Variants in LDB2 observed in about 807,000 individuals in gnomAD.
LDB2 encodes LIM domain binding 2.
In LDB2, 12 loss-of-function variants were observed where a neutral mutation model predicts 44.3. The ratio of observed to expected loss-of-function variants is 0.27; its 90% CI spans 0.17 to 0.44. LDB2 has a LOEUF of 0.44. Ranked by LOEUF, LDB2 falls within the 20% of genes least tolerant of loss-of-function variation. LDB2 has a pLI of 1.00. For synonymous variants in LDB2, 164 were observed against 174.8 expected (o/e 0.94, Z 0.49); for missense variants, 344 against 473.5 (o/e 0.73, Z 2.54).
rs71181181 is a variant in LDB2, at chr4:16,693,347, CTT to C, written c.235+65809_235+65810del. ...CTACTTGTTCCCTAGAGCAATAGTTCTTTTTTTTTTTTTTTTTTTTTTGAGAT... is the reference window on the plus strand; with the variant it reads ...CTACTTGTTCCCTAGAGCAATAGTTCTTTTTTTTTTTTTTTTTTTTGAGAT... On this transcript the variant is annotated intron_variant, in intron 2 of 7. Transcript: ENST00000304523. Among the ~76,000 whole-genome samples, 177 of 112,110 alleles carry C rather than the reference CTT, an allele frequency of 1.6e-3. 1 individual carries two copies. In the Middle Eastern group the frequency reaches 0.021, roughly 13 times the overall value. 73.5% of individuals were successfully genotyped at this position (112,110 alleles called of 152,430 possible). A position where few individuals can be genotyped will look rare whatever the true frequency, so the allele number is the denominator to read the frequency against.
At chr4:16,649,583 C>T (rs182000104) in intron 2 of LDB2, among the ~76,000 whole-genome samples, 4 of 152,210 alleles carry the variant, frequency 2.6e-5, no homozygotes, top group East Asian at 3.9e-4. Flanking sequence ...TGGGAGCTAC[C>T]GCAGATCCAG....
chr4:16,592,089 G>A (rs979217177), intron 3 of LDB2, among the ~76,000 whole-genome samples: 1 of 152,102 alleles, frequency 6.6e-6, no homozygotes, highest in Non-Finnish European at 1.5e-5. Context: ...AGTACAGATG[G>A]TCTCCGGAGG....
intron 2 of LDB2, among the ~76,000 whole-genome samples, chr4:16,608,358 C>G (rs1258473230): frequency 6.6e-6 from 1 of 152,122 alleles, no homozygotes; most frequent in African/African-American, 2.4e-5. Flanking sequence ...GTGCTTCTGA[C>G]CCTTGGATTG....
chr4:16,840,625 A>C (rs1785712104), intron 1 of LDB2, among the ~76,000 whole-genome samples: 1 of 152,168 alleles, frequency 6.6e-6, no homozygotes, highest in Non-Finnish European at 1.5e-5. Flanking sequence ...GGTCCAATAG[A>C]CTTGGGTTTA....
rs1306793770 is a variant in LDB2 at position 16,533,679 on chromosome 4, C to T, written c.616-21575G>A. 7.2e-5 allele frequency among the ~76,000 whole-genome samples: 11 copies of T among 152,212 alleles called. No individual in the cohort carries two copies. Among genetic ancestry groups the T allele is most frequent in the African/African-American group, 1.7e-4 (7 of 41,466 alleles). ...GTTACCAGACACCTTGTCTGAGGGA[C>T]GTCACCCTGGCTGAACAAATGGTTG... On this transcript the variant is annotated intron_variant, in intron 5 of 7. Transcript: ENST00000304523. This position sits in a 1 kb window ranked among gnomAD's most constrained non-coding sequence, Gnocchi z 4.1.
chr4:16,519,175 ATAACT>A (rs1450843758), intron 5 of LDB2, among the ~76,000 whole-genome samples: 5 of 152,186 alleles, frequency 3.3e-5, no homozygotes, highest in Non-Finnish European at 7.3e-5. Context: ...TTGTTGAGTC[ATAACT>A]TAATTAATAA....
intron 5 of LDB2, among the ~76,000 whole-genome samples, chr4:16,550,423 T>G (rs1286708573): frequency 1.3e-5 from 2 of 152,184 alleles, no homozygotes; most frequent in African/African-American, 4.8e-5. Context: ...ATGATGACAT[T>G]TGTTAGATAA....
At chr4:16,853,110 C>T (rs1180647114) in intron 1 of LDB2, among the ~76,000 whole-genome samples, 3 of 152,074 alleles carry the variant, frequency 2.0e-5, no homozygotes, top group African/African-American at 4.8e-5. Context: ...TCTTCATGTG[C>T]TATTATGCTA....
chr4:16,760,556 T>C (rs2109225237), intron 1 of LDB2, among the ~76,000 whole-genome samples: 2 of 152,178 alleles, frequency 1.3e-5, no homozygotes, highest in South Asian at 4.2e-4. Flanking sequence ...TGGATCCACG[T>C]ACAAAGTACT....
rs551551627 is a variant in LDB2 at position 16,649,961 on chromosome 4, G to A, written c.236-54086C>T. ...TTCCTCCTACCTGTCAATAACTGGT[G>A]AGTGGAGAGTGCCTCCCTTTGCTCC... On this transcript the variant is annotated intron_variant, in intron 2 of 7. Coordinates refer to ENST00000304523, the MANE Select transcript of LDB2 (RefSeq NM_001290.5). Among the ~76,000 whole-genome samples the A allele has an allele frequency of 1.1e-4, 16 of 152,346 alleles. No individual in the cohort carries two copies. In the East Asian group the frequency reaches 3.1e-3, roughly 29 times the overall value.
intron 1 of LDB2, among the ~76,000 whole-genome samples, chr4:16,774,153 CAAAAAAAAAAAA>C (rs35866468): frequency 2.1e-4 from 12 of 56,046 alleles, no homozygotes; most frequent in Admixed American, 4.7e-4. Context: ...GACTCCGTCT[CAAAAAAAAAAAA>C]AAAAAAAAAA....
intron 2 of LDB2, among the ~76,000 whole-genome samples, chr4:16,717,420 T>A (rs2658507): frequency 0.46 from 70,094 of 151,742 alleles, 16,684 homozygotes; most frequent in East Asian, 0.78. Flanking sequence ...CCTCCTGCAT[T>A]TTAGATGCAT....
In LDB2 at chr4:16,871,858, A is replaced by T. The variant is rs149703418; in HGVS notation, c.132+26496T>A. On this transcript the variant is annotated intron_variant, in intron 1 of 7. Coordinates refer to ENST00000304523, the MANE Select transcript of LDB2 (RefSeq NM_001290.5). ...GCTGGTCTTGAATTCCTGACCGCAGATGATCCGCCCACCTCGGCCTCCCAA... is the reference window on the plus strand; with the variant it reads ...GCTGGTCTTGAATTCCTGACCGCAGTTGATCCGCCCACCTCGGCCTCCCAA... Among the ~76,000 whole-genome samples the T allele has an allele frequency of 2.9e-3, 448 of 152,026 alleles. 3 individuals are homozygous for T. The highest frequency in any genetic ancestry group is 0.01 in the African/African-American group (430 of 41,490).
intron 5 of LDB2, among the ~76,000 whole-genome samples, chr4:16,575,181 A>G (rs1423312360): frequency 2.0e-5 from 3 of 152,214 alleles, no homozygotes; most frequent in East Asian, 3.8e-4. Flanking sequence ...AATGATGACT[A>G]TGCAGAAACA....
chr4:16,716,170 A>C (rs923803369), intron 2 of LDB2, among the ~76,000 whole-genome samples: 21 of 152,182 alleles, frequency 1.4e-4, no homozygotes, highest in Admixed American at 1.4e-3. Context: ...AACCCTTCTG[A>C]TGTACAGCAA....
At chr4:16,546,716 A>T (rs1444039353) in intron 5 of LDB2, among the ~76,000 whole-genome samples, 1 of 152,132 alleles carries the variant, frequency 6.6e-6, no homozygotes, top group Non-Finnish European at 1.5e-5. Context: ...ACCACTGTGT[A>T]TGTTCCACAC....
chr4:16,701,536 C>G (rs1281024895), intron 2 of LDB2, among the ~76,000 whole-genome samples: 4 of 152,196 alleles, frequency 2.6e-5, no homozygotes, highest in Non-Finnish European at 4.4e-5. Context: ...TATATAGCAC[C>G]AAGAACACTG....
chr4:16,621,535 A>C (rs1037445629), intron 2 of LDB2, among the ~76,000 whole-genome samples: 1 of 152,122 alleles, frequency 6.6e-6, no homozygotes, highest in Non-Finnish European at 1.5e-5. Flanking sequence ...CAATTCTATA[A>C]ACTTATTTAT....
chr4:16,868,795 T>C (rs1715533363), intron 1 of LDB2, among the ~76,000 whole-genome samples: 1 of 152,138 alleles, frequency 6.6e-6, no homozygotes, highest in Non-Finnish European at 1.5e-5. Context: ...TTTCTTCTCA[T>C]AGGATGATGA....
Sources: allele counts gnomAD v4.1 joint callset (sites outside exome capture counted in the v4.1 genomes callset), GRCh38; gene constraint gnomAD v4.1.1; non-coding constraint Gnocchi (gnomAD v3.1); transcripts MANE v1.5; gene names NCBI Gene and HGNC (gene_info 2026-07-23, HGNC 2026-07-21).